FBN2: variants seen among roughly 807,000 people sequenced by gnomAD.
FBN2 encodes fibrillin 2, also known as fibrillin-2.
In FBN2, 105 loss-of-function variants were observed where a neutral mutation model predicts 355.6. The observed-to-expected ratio is 0.30, with a 90% confidence interval of 0.25 to 0.35. The LOEUF is 0.35. FBN2 is among the 10% of genes least tolerant of loss of function. FBN2 has a pLI of 1.00. For missense variants in FBN2, 3,280 were observed against 3,758.7 expected, an observed-to-expected ratio of 0.87 and a Z score of 3.33; for synonymous variants, 1,350 against 1,301.2, an observed-to-expected ratio of 1.04 and a Z score of -0.81.
chr5:128,417,483 AGT>A (rs1753235882), intron 7 of FBN2, among the ~76,000 whole-genome samples: 1 of 152,076 alleles, frequency 6.6e-6, no homozygotes, highest in African/African-American at 2.4e-5. Flanking sequence ...GTCAGCTGTG[AGT>A]GTGTCATACA....
intron 45 of FBN2, 136 bp downstream of exon 45, chr5:128,304,821 T>A (rs1043584301): frequency 1.9e-6 from 2 of 1,073,478 alleles, no homozygotes; most frequent in African/African-American, 3.1e-5. Context: ...AAGACTTAAA[T>A]AGTTTGACCT....
At chr5:128,310,731 A>G (rs1384275210) in intron 39 of FBN2, among the ~76,000 whole-genome samples, 1 of 152,164 alleles carries the variant, frequency 6.6e-6, no homozygotes. Context: ...CACAATTAAA[A>G]TATTGAGATT....
At chr5:128,461,436 A>G (rs891598275) in intron 6 of FBN2, among the ~76,000 whole-genome samples, 2 of 152,258 alleles carry the variant, frequency 1.3e-5, no homozygotes, top group Non-Finnish European at 2.9e-5. Flanking sequence ...TGTGGAAGAC[A>G]GTATGGCGAT....
At position 128,534,678 on chromosome 5, in the gene FBN2, C is replaced by T. The variant is rs183854868; in HGVS notation, c.337+1724G>A. Among the ~76,000 whole-genome samples, 680 of 152,200 alleles carry T rather than the reference C, an allele frequency of 4.5e-3. 2 individuals carry two copies. Among genetic ancestry groups the T allele is most frequent in the Non-Finnish European group, 5.9e-3 (399 of 68,018 alleles). On this transcript the variant is annotated intron_variant, in intron 2 of 64. Coordinates refer to ENST00000262464, the MANE Select transcript of FBN2 (RefSeq NM_001999.4). ...TGCAGATTACAATAGTCACTGTTAC[C>T]CTGAGATTTTCAAAGCTGATTTTCT...
At chr5:128,449,383 CTATATAATAGTATACTGTA>C (rs1363733401) in intron 6 of FBN2, among the ~76,000 whole-genome samples, 10 of 95,322 alleles carry the variant, frequency 1.0e-4, no homozygotes, top group African/African-American at 6.1e-4. Flanking sequence ...TTATAGTATA[CTATATAATAGTATACTGTA>C]TAATTATATA....
intron 5 of FBN2, among the ~76,000 whole-genome samples, chr5:128,500,202 A>G (rs1381246934): frequency 6.6e-6 from 1 of 151,122 alleles, no homozygotes; most frequent in Non-Finnish European, 1.5e-5. Context: ...ACCATATCAC[A>G]GAGTCTCCCT....
At chr5:128,452,766 G>C (rs551458182) in intron 6 of FBN2, among the ~76,000 whole-genome samples, 1 of 152,042 alleles carries the variant, frequency 6.6e-6, no homozygotes, top group African/African-American at 2.4e-5. Flanking sequence ...ACAGGTGCGG[G>C]TTTGTTATGT....
chr5:128,335,933 T>C, intron 28 of FBN2, 55 bp downstream of exon 28: 1 of 1,601,238 alleles, frequency 6.2e-7, no homozygotes, highest in South Asian at 1.1e-5. Flanking sequence ...CGCCAAAAGT[T>C]TTCCTAGGCT....
chr5:128,481,276 T>C (rs1045098731), intron 5 of FBN2, among the ~76,000 whole-genome samples: 1 of 152,188 alleles, frequency 6.6e-6, no homozygotes, highest in African/African-American at 2.4e-5. Context: ...AAAGACCCCT[T>C]TTGATTCATG....
Position 128,408,775 on chromosome 5 carries a change from G to C in FBN2, c.977C>G (p.Pro326Arg). The C allele has an allele frequency of 6.2e-7, 1 of 1,613,902 alleles. No homozygotes were observed. ...ACATTCACCAGTTTCACATATCCCA[G>C]GAATGATGCTGCACTCATCAATGTC... ...CEDIDECSII[P>R]GICETGECSN... is the part of the protein sequence containing the mutation. Residue 326 changes from proline to arginine, a missense_variant, in exon 8 of 65, where the codon CCT becomes CGT. Around this residue, in one of 6 missense-constraint regions of FBN2, gnomAD observed 343 missense variants for 331.0 expected, o/e 1.04. Coordinates refer to ENST00000262464, the MANE Select transcript of FBN2 (RefSeq NM_001999.4).
At chr5:128,479,950 CTCTCTCTCTCTCTCTCTCTCTCTCTCTA>C (rs1755109816) in intron 5 of FBN2, among the ~76,000 whole-genome samples, 1 of 32,812 alleles carries the variant, frequency 3.0e-5, no homozygotes, top group Non-Finnish European at 5.8e-5. Flanking sequence ...CTCTCTCTCT[CTCTCTCTCTCTCTCTCTCTCTCTCTCTA>C]TATATATATA....
intron 8 of FBN2, among the ~76,000 whole-genome samples, chr5:128,398,958 G>C (rs905642737): frequency 6.6e-6 from 1 of 152,188 alleles, no homozygotes; most frequent in African/African-American, 2.4e-5. Flanking sequence ...CAGCCATATG[G>C]AACTGTAAGT....
intron 5 of FBN2, among the ~76,000 whole-genome samples, chr5:128,508,663 G>A (rs980667050): frequency 2.0e-5 from 3 of 151,766 alleles, no homozygotes; most frequent in East Asian, 1.9e-4. Flanking sequence ...ACATAGTTAC[G>A]TTTTTTGATA....
At position 128,378,983 on chromosome 5, in the gene FBN2, G is replaced by A. The variant is rs560939908; in HGVS notation, c.1604-93C>T. The A allele has an allele frequency of 4.4e-6, 6 of 1,366,782 alleles. No homozygotes were observed. The Admixed American group carries it at 6.7e-5, about 15-fold the overall frequency. The allele number at this position is 1,366,782 out of a possible 1,614,324, so 84.7% of individuals were successfully genotyped here. ...TTAGTCCTCTAAAGTTTGAGAGAAG[G>A]CCAGTCAGTGGTAATAGTCTAAATA... On this transcript the variant is annotated intron_variant, in intron 11 of 64. Transcript: ENST00000262464.
At chr5:128,429,506 T>A (rs1219162143) in intron 7 of FBN2, among the ~76,000 whole-genome samples, 1 of 152,218 alleles carries the variant, frequency 6.6e-6, no homozygotes, top group Non-Finnish European at 1.5e-5. Context: ...GTAGAAATAT[T>A]AATATGTAAT....
intron 8 of FBN2, among the ~76,000 whole-genome samples, chr5:128,403,667 G>A (rs936051982): frequency 6.6e-6 from 1 of 151,844 alleles, no homozygotes; most frequent in Admixed American, 6.6e-5. Flanking sequence ...TATTTAAAAC[G>A]CTTTTTAGAG....
At chr5:128,374,552 A>G in intron 15 of FBN2, 76 bp downstream of exon 15, 1 of 1,575,162 alleles carries the variant, frequency 6.3e-7, no homozygotes, top group Non-Finnish European at 8.7e-7. Flanking sequence ...ATATTACTCC[A>G]CTGTATAGAA....
At chr5:128,496,889 T>C (rs905838929) in intron 5 of FBN2, among the ~76,000 whole-genome samples, 2 of 152,116 alleles carry the variant, frequency 1.3e-5, no homozygotes, top group Non-Finnish European at 2.9e-5. Context: ...AAAACTCAAC[T>C]GCATTACTGT....
At chr5:128,506,077 C>T (rs1755950717) in intron 5 of FBN2, among the ~76,000 whole-genome samples, 1 of 152,160 alleles carries the variant, frequency 6.6e-6, no homozygotes, top group African/African-American at 2.4e-5. Context: ...GTACCATGTA[C>T]TTTCTTACAA....
Sources: gnomAD v4.1 joint callset for allele counts (sites outside exome capture counted in the v4.1 genomes callset) on GRCh38, gnomAD v4.1.1 for gene constraint, gnomAD v4.1.1 regional missense constraint, MANE v1.5 for transcripts, NCBI Gene and HGNC (gene_info 2026-07-23, HGNC 2026-07-21) for gene names.